Variants in TTC23 observed in about 807,000 individuals in gnomAD.
TTC23 encodes tetratricopeptide repeat protein 23.
A neutral mutation model predicts 55.1 loss-of-function variants in TTC23; 58 were observed. The observed-to-expected ratio is 1.05, with a 90% CI of 0.85 to 1.31. The LOEUF (loss-of-function observed/expected upper bound fraction) is 1.31, where lower values mean the gene tolerates loss of function less well. Ranked by LOEUF, TTC23 falls within the 50% of genes most tolerant of loss-of-function variation. The pLI is 0.00. For missense variants in TTC23, 516 were observed against 534.4 expected, an observed-to-expected ratio of 0.97 and a Z score of 0.34; for synonymous variants, 203 against 199.9, an observed-to-expected ratio of 1.02 and a Z score of -0.13.
chr15:99,214,828 T>G (rs903249781), intron 8 of TTC23, among the ~76,000 whole-genome samples: 3 of 151,188 alleles, frequency 2.0e-5, no homozygotes, highest in African/African-American at 7.3e-5. Context: ...TTGGGAAAAG[T>G]TTCCTGCCCA....
intron 13 of TTC23, among the ~76,000 whole-genome samples, chr15:99,138,856 A>G (rs2067866251): frequency 6.6e-6 from 1 of 152,184 alleles, no homozygotes; most frequent in Admixed American, 6.5e-5. Context: ...TCTGCGGACC[A>G]GGCTCTGTGA....
At chr15:99,153,691 C>T (rs1394060054) in intron 12 of TTC23, among the ~76,000 whole-genome samples, 1 of 152,004 alleles carries the variant, frequency 6.6e-6, no homozygotes, top group African/African-American at 2.4e-5. Flanking sequence ...AAATTCCCAA[C>T]TCATAAACAC....
At chr15:99,171,877 C>T (rs960639934) in intron 10 of TTC23, among the ~76,000 whole-genome samples, 3 of 151,754 alleles carry the variant, frequency 2.0e-5, no homozygotes, top group African/African-American at 7.3e-5. Context: ...GCCTCTCAGT[C>T]GTCTTTTGCT....
intron 3 of TTC23, among the ~76,000 whole-genome samples, chr15:99,235,534 C>G (rs933637138): frequency 6.6e-6 from 1 of 151,986 alleles, no homozygotes; most frequent in Non-Finnish European, 1.5e-5. Flanking sequence ...CCACGCCCAG[C>G]TAATTTTTTT....
Position 99,242,286 on chromosome 15 carries a change from A to AT in TTC23, c.-308-728dup, listed in dbSNP as rs1410255452. ...GATAAAAAATACCAAAAAAATAGTG[A>AT]TAAAAAAATAACAGAAAAATAGAAA... On this transcript the variant is annotated intron_variant, in intron 2 of 13. Transcript: ENST00000394132. 2.0e-5 allele frequency among the ~76,000 whole-genome samples: 3 copies of AT among 152,246 alleles called. No individual in the cohort carries two copies. In the East Asian group the frequency reaches 5.8e-4, roughly 29 times the overall value.
chr15:99,156,054 G>A, intron 12 of TTC23, 94 bp downstream of exon 12: 1 of 1,547,250 alleles, frequency 6.5e-7, no homozygotes, highest in Non-Finnish European at 8.8e-7. Context: ...CACTTCTAAA[G>A]TTTCATTTAA....
chr15:99,218,609 C>T lies in TTC23; in HGVS notation c.560G>A (p.Arg187Gln), dbSNP rs760600439. ...TTACTGTGCAAATGATAATCTGATC[C>T]GTGCTTCAATTTCTATCCATTCTTC... ...IKEEWIEIEA[R>Q]IRLSFAQVYQ... Residue 187 changes from arginine to glutamine, a missense_variant, in exon 8 of 14, where the codon CGG becomes CAG. Transcript: ENST00000394132. 13 of 1,614,032 alleles carry T rather than the reference C, an allele frequency of 8.1e-6. No homozygotes were observed. Among genetic ancestry groups the T allele is most frequent in the African/African-American group, 4.0e-5 (3 of 74,924 alleles).
At chr15:99,178,342 G>T (rs899157507) in intron 9 of TTC23, among the ~76,000 whole-genome samples, 1 of 152,092 alleles carries the variant, frequency 6.6e-6, no homozygotes, top group Non-Finnish European at 1.5e-5. Flanking sequence ...TAATTTATTT[G>T]ATGTTCATGA....
chr15:99,172,014 T>A (rs28452409), intron 10 of TTC23, among the ~76,000 whole-genome samples: 351 of 151,686 alleles, frequency 2.3e-3, no homozygotes, highest in African/African-American at 8.1e-3. Flanking sequence ...ACTTTATGTT[T>A]CTCACATTTT....
chr15:99,199,612 GAA>G (rs1311767505), intron 9 of TTC23, among the ~76,000 whole-genome samples: 2 of 151,748 alleles, frequency 1.3e-5, no homozygotes, highest in Non-Finnish European at 2.9e-5. Context: ...TTAGAATGTA[GAA>G]AAAAAGAGTC....
intron 10 of TTC23, among the ~76,000 whole-genome samples, chr15:99,166,609 G>C (rs985370144): frequency 6.6e-6 from 1 of 152,222 alleles, no homozygotes; most frequent in Non-Finnish European, 1.5e-5. Context: ...AAGGCCAGGC[G>C]TTGTGGTGGG....
At chr15:99,166,038 G>A (rs1426959921) in intron 10 of TTC23, among the ~76,000 whole-genome samples, 1 of 152,174 alleles carries the variant, frequency 6.6e-6, no homozygotes, top group African/African-American at 2.4e-5. Flanking sequence ...CCCTTATTGT[G>A]CTTGCGGTGA....
In TTC23 at chr15:99,149,465, G is replaced by A. The variant is rs527288157; in HGVS notation, c.1143+6683C>T. On this transcript the variant is annotated intron_variant, in intron 12 of 13. Transcript: ENST00000394132. ...TGCACCCTTAGAGTTTCTTGAAGCC[G>A]AGCTGATTTTTAGCCTCTAGGGTGG... Among the ~76,000 whole-genome samples the A allele has an allele frequency of 5.9e-5, 9 of 152,348 alleles. No homozygotes were observed. In the South Asian group the frequency reaches 1.7e-3, roughly 28 times the overall value.
chr15:99,139,224 A>G (rs782276322), intron 13 of TTC23, 93 bp downstream of exon 13: 31 of 1,492,902 alleles, frequency 2.1e-5, no homozygotes, highest in Non-Finnish European at 2.8e-5. Context: ...CATTCCAGAG[A>G]AGGTTACACA....
At chr15:99,240,595 G>A (rs181899648) in intron 3 of TTC23, among the ~76,000 whole-genome samples, 128 of 152,336 alleles carry the variant, frequency 8.4e-4, no homozygotes, top group African/African-American at 2.9e-3. Context: ...CAGTTTGCCT[G>A]TTGCCACCAA....
Position 99,228,587 on chromosome 15 carries a change from T to A in TTC23, c.126A>T (p.Arg42=). Residue 42 remains arginine (R), a synonymous_variant, in exon 5 of 14, where the codon CGA becomes CGT. Transcript: ENST00000394132. ...LLQTALFQPP[R]EKLHLCEEKA... ...TCTCTTCACAGAGGTGGAGTTTCTC[T>A]CGAGGAGGCTGGAATAGTGCTGTCT... The A allele has an allele frequency of 1.2e-6, 2 of 1,613,980 alleles. No individual in the cohort carries two copies. The highest frequency in any genetic ancestry group is 1.7e-6 in the Non-Finnish European group (2 of 1,179,902).
intron 8 of TTC23, among the ~76,000 whole-genome samples, chr15:99,213,305 A>C (rs983534807): frequency 6.6e-6 from 1 of 152,246 alleles, no homozygotes; most frequent in Non-Finnish European, 1.5e-5. Context: ...TTGGCTAAAC[A>C]CAAAAGTAAC....
chr15:99,157,215 T>C (rs1398271061), intron 11 of TTC23: 8 of 149,648 alleles, frequency 5.3e-5, no homozygotes, highest in African/African-American at 2.0e-4. Context: ...CTGGAGGTTT[T>C]TTTTTTTTTT....
intron 10 of TTC23, among the ~76,000 whole-genome samples, chr15:99,171,559 CTTTTTT>C (rs35676358): frequency 3.3e-5 from 3 of 92,302 alleles, no homozygotes; most frequent in African/African-American, 4.4e-5. Flanking sequence ...GTCTCTCCGT[CTTTTTT>C]TTTTTTTTTT....
Sources: gnomAD v4.1 joint callset for allele counts (sites outside exome capture counted in the v4.1 genomes callset) on GRCh38, gnomAD v4.1.1 for gene constraint, MANE v1.5 for transcripts, NCBI Gene and HGNC (gene_info 2026-07-23, HGNC 2026-07-21) for gene names.